Variants in INSL6 observed in about 807,000 individuals in gnomAD.
INSL6 encodes the protein insulin like 6.
Under a neutral mutation model 9.4 loss-of-function variants are expected in INSL6, and 16 were observed. The observed-to-expected ratio is 1.70, with a 90% CI of 1.15 to 2.59. The LOEUF is 2.59. Ranked by LOEUF, INSL6 falls within the 30% of genes most tolerant of loss-of-function variation. The pLI is 0.00. For synonymous variants in INSL6, 154 were observed against 96.9 expected (o/e 1.59, Z -3.46); for missense variants, 391 against 257.3 (o/e 1.52, Z -3.56).
At chr9:5,182,777 T>A (rs1438678882) in intron 1 of INSL6, among the ~76,000 whole-genome samples, 1 of 152,178 alleles carries the variant, frequency 6.6e-6, no homozygotes, top group Non-Finnish European at 1.5e-5. Flanking sequence ...GGCACTAATA[T>A]CTCGGAAGCA....
At chr9:4,998,164 T>G in the INSL6 span, among the ~76,000 whole-genome samples, 1 of 152,218 alleles carries the variant, frequency 6.6e-6, no homozygotes, top group African/African-American at 2.4e-5. Context: ...AACTCGTCAC[T>G]TCTTAAAATC....
At chr9:5,179,679 A>C (rs1825401289) in intron 1 of INSL6, among the ~76,000 whole-genome samples, 1 of 152,242 alleles carries the variant, frequency 6.6e-6, no homozygotes, top group Non-Finnish European at 1.5e-5. Flanking sequence ...AAAGAATGAG[A>C]TCATGTCCTT....
At chr9:5,115,265 C>T in the INSL6 span, among the ~76,000 whole-genome samples, 15 of 152,154 alleles carry the variant, frequency 9.9e-5, no homozygotes, top group African/African-American at 2.9e-4. Flanking sequence ...TGAACAGACA[C>T]TTCTCAAAAG....
At chr9:5,119,958 G>C (rs1255431600), downstream of INSL6, among the ~76,000 whole-genome samples, 3 of 152,134 alleles carry the variant, frequency 2.0e-5, no homozygotes, top group Admixed American at 6.5e-5. Context: ...ATAAGTTTGA[G>C]CTAACTTATT....
chr9:5,062,380 T>G, the INSL6 span, among the ~76,000 whole-genome samples: 1 of 151,830 alleles, frequency 6.6e-6, no homozygotes, highest in East Asian at 1.9e-4. Context: ...AGTAATAAAG[T>G]TTAAATTTTG....
chr9:5,154,560 T>C (rs1457315605), intron 2 of INSL6, among the ~76,000 whole-genome samples: 2 of 152,304 alleles, frequency 1.3e-5, no homozygotes, highest in African/African-American at 2.4e-5. Context: ...GAGAAAATTT[T>C]TGCAATCTAC....
the INSL6 span, among the ~76,000 whole-genome samples, chr9:5,058,951 T>C: frequency 1.3e-5 from 2 of 152,232 alleles, no homozygotes; most frequent in Non-Finnish European, 2.9e-5. Context: ...AATATATGAT[T>C]TGCAAATATT....
the INSL6 span, among the ~76,000 whole-genome samples, chr9:5,015,865 T>C: frequency 6.6e-6 from 1 of 152,104 alleles, no homozygotes; most frequent in East Asian, 1.9e-4. Flanking sequence ...CTTTCTGTTC[T>C]AAACACGATT....
intron 1 of INSL6, among the ~76,000 whole-genome samples, chr9:5,175,797 C>G (rs1825289825): frequency 6.6e-6 from 1 of 152,140 alleles, no homozygotes; most frequent in Admixed American, 6.5e-5. Flanking sequence ...CTATCACTGT[C>G]TCCCATCACC....
chr9:5,094,461 G>A, the INSL6 span: 37,119 of 151,882 alleles, frequency 0.24, 4,926 homozygotes, highest in South Asian at 0.3. Flanking sequence ...ATTATGTACT[G>A]ATCGGCACAC....
chr9:5,048,150 C>CT, the INSL6 span, among the ~76,000 whole-genome samples: 525 of 150,772 alleles, frequency 3.5e-3, 1 homozygote, highest in Middle Eastern at 0.017. Flanking sequence ...TCTTTTCTTT[C>CT]TTTTTTTTTG....
chr9:5,007,059 A>C, the INSL6 span, among the ~76,000 whole-genome samples: 1 of 151,644 alleles, frequency 6.6e-6, no homozygotes, highest in Admixed American at 6.6e-5. Flanking sequence ...TATCAATTTT[A>C]ATGCTTTTAA....
the INSL6 span, chr9:5,112,453 C>G: frequency 6.0e-5 from 32 of 534,476 alleles, no homozygotes; most frequent in African/African-American, 4.2e-4. Context: ...GAAGAAGGAG[C>G]TGAAGGACCC....
At chr9:5,102,735 T>C in the INSL6 span, among the ~76,000 whole-genome samples, 2 of 152,130 alleles carry the variant, frequency 1.3e-5, no homozygotes, top group African/African-American at 4.8e-5. Context: ...TGGAGGCCAA[T>C]ATTCAACATT....
the INSL6 span, among the ~76,000 whole-genome samples, chr9:5,115,248 A>G: frequency 6.6e-6 from 1 of 152,244 alleles, no homozygotes; most frequent in South Asian, 2.1e-4. Context: ...AAAGTGGGTA[A>G]AGGATATGAA....
chr9:5,145,313 C>T (rs1824580708), intron 2 of INSL6, among the ~76,000 whole-genome samples: 2 of 152,018 alleles, frequency 1.3e-5, no homozygotes, highest in Admixed American at 1.3e-4. Context: ...GGAGGGTTTC[C>T]ACTGAGAGGT....
At chr9:5,069,750 A>C in the INSL6 span, among the ~76,000 whole-genome samples, 1 of 152,176 alleles carries the variant, frequency 6.6e-6, no homozygotes, top group South Asian at 2.1e-4. Flanking sequence ...AACTAAGAAG[A>C]AATATCAAAG....
At chr9:5,037,810 A>T in the INSL6 span, among the ~76,000 whole-genome samples, 1 of 152,216 alleles carries the variant, frequency 6.6e-6, no homozygotes, top group Non-Finnish European at 1.5e-5. Flanking sequence ...TACATATGTA[A>T]CTAACCTGCA....
chr9:5,032,970 C>G, the INSL6 span, among the ~76,000 whole-genome samples: 1 of 152,108 alleles, frequency 6.6e-6, no homozygotes, highest in Non-Finnish European at 1.5e-5. Context: ...GAAGTTTGAA[C>G]TCATGGCAAA....
Sources: gnomAD v4.1 joint callset for allele counts (sites outside exome capture counted in the v4.1 genomes callset) on GRCh38, gnomAD v4.1.1 for gene constraint, MANE v1.5 for transcripts, NCBI Gene and HGNC (gene_info 2026-07-23, HGNC 2026-07-21) for gene names.